DMXL2: variants seen among roughly 807,000 people sequenced by gnomAD.
DMXL2 encodes Dmx like 2, also known as dmX-like protein 2.
In DMXL2, 103 loss-of-function variants were observed where a neutral mutation model predicts 331.1. The observed-to-expected ratio is 0.31, with a 90% CI of 0.27 to 0.37. DMXL2 has a LOEUF of 0.37. Among genes scored for constraint, DMXL2 ranks in the 10% least tolerant of loss-of-function variants. The pLI is 1.00. For missense variants in DMXL2, 3,171 were observed against 3,642.9 expected (o/e 0.87, Z 3.33); for synonymous variants, 1,281 against 1,252.1 (o/e 1.02, Z -0.49).
chr15:51,610,693 A>C (rs1362731753), intron 1 of DMXL2, among the ~76,000 whole-genome samples: 1 of 151,754 alleles, frequency 6.6e-6, no homozygotes, highest in Non-Finnish European at 1.5e-5. Context: ...GCATGAACCC[A>C]GGAGACAGAG....
intron 33 of DMXL2, chr15:51,463,097 T>A (rs2140259682): frequency 4.7e-6 from 1 of 214,456 alleles, no homozygotes; most frequent in Non-Finnish European, 9.3e-6. Flanking sequence ...CCTCAAGCCA[T>A]CCATCACAAT....
At chr15:51,493,248 G>A (rs7174214) in intron 19 of DMXL2, among the ~76,000 whole-genome samples, 6,893 of 151,886 alleles carry the variant, frequency 0.045, 310 homozygotes, top group African/African-American at 0.11. Context: ...ACTAATATAC[G>A]GCAACACAAA....
chr15:51,540,731 T>C lies in DMXL2; in HGVS notation c.1105+1602A>G, dbSNP rs554975804. ...GGTCAACCTAAATGTTATATTTACA[T>C]GCAGTAACTAAAAATGCATGATGTT... On this transcript the variant is annotated intron_variant, in intron 9 of 43. Coordinates refer to ENST00000560891, the MANE Select transcript of DMXL2 (RefSeq NM_001378457.1). 2.0e-5 allele frequency among the ~76,000 whole-genome samples: 3 copies of C among 152,308 alleles called. No homozygotes were observed. The South Asian group carries it at 6.2e-4, about 32-fold the overall frequency.
intron 1 of DMXL2, among the ~76,000 whole-genome samples, chr15:51,593,921 T>C (rs560545401): frequency 2.6e-5 from 4 of 152,160 alleles, no homozygotes; most frequent in African/African-American, 7.2e-5. Context: ...AAGCAGTGTG[T>C]AGAGGGAAAT....
At chr15:51,465,346 G>A (rs999522366) in intron 31 of DMXL2, among the ~76,000 whole-genome samples, 1 of 152,152 alleles carries the variant, frequency 6.6e-6, no homozygotes, top group African/African-American at 2.4e-5. Context: ...AGTGAGCTCT[G>A]ATCACACCAC....
intron 1 of DMXL2, among the ~76,000 whole-genome samples, chr15:51,610,404 A>C (rs1052460292): frequency 8.5e-5 from 13 of 152,230 alleles, no homozygotes; most frequent in Non-Finnish European, 1.5e-4. Flanking sequence ...CATGATTAAC[A>C]ACCTTGACCT....
chr15:51,451,873 A>G (rs1017009193), intron 41 of DMXL2, among the ~76,000 whole-genome samples, 176 bp from the exon 42 acceptor site: 2 of 152,206 alleles, frequency 1.3e-5, no homozygotes, highest in Admixed American at 1.3e-4. Flanking sequence ...CAAACTACAC[A>G]GTTCCATCTC....
At chr15:51,454,540 A>T (rs1223028067) in intron 40 of DMXL2, among the ~76,000 whole-genome samples, 3 of 152,176 alleles carry the variant, frequency 2.0e-5, no homozygotes, top group Non-Finnish European at 2.9e-5. Flanking sequence ...TCTGTTGCCC[A>T]AGCTAGAGCG....
chr15:51,533,214 G>C (rs1018336781), intron 13 of DMXL2, among the ~76,000 whole-genome samples: 3 of 152,032 alleles, frequency 2.0e-5, no homozygotes, highest in Non-Finnish European at 4.4e-5. Flanking sequence ...GAGATGGGGG[G>C]GTCTCACTAT....
chr15:51,537,513 T>C lies in DMXL2; in HGVS notation c.1592A>G (p.Asn531Ser). The C allele has an allele frequency of 6.2e-7, 1 of 1,613,356 alleles. No homozygotes were observed. Among genetic ancestry groups the C allele is most frequent in the Non-Finnish European group, 8.5e-7 (1 of 1,179,506 alleles). Residue 531 changes from asparagine to serine, a missense_variant, in exon 11 of 44, where the codon AAT (asparagine) becomes AGT (serine). Asn to Ser is a conservative substitution (Grantham distance 46, BLOSUM62 1). Coordinates refer to ENST00000560891, the MANE Select transcript of DMXL2 (RefSeq NM_001378457.1). ...CTGAACTTGTCTAAATATTCCAGGA[T>C]TATATTCATCCAAATACTTCACATG... Reference protein sequence around the residue: ...VWHVKYLDEYNPGIFRQVQVS... With the variant: ...VWHVKYLDEYSPGIFRQVQVS...
intron 2 of DMXL2, among the ~76,000 whole-genome samples, chr15:51,575,849 T>C (rs1303699386): frequency 1.3e-5 from 2 of 152,138 alleles, no homozygotes; most frequent in Non-Finnish European, 2.9e-5. Flanking sequence ...GAAGACAGTA[T>C]ACATACAGCT....
chr15:51,552,291 T>C (rs2049271204), intron 6 of DMXL2, among the ~76,000 whole-genome samples: 1 of 152,126 alleles, frequency 6.6e-6, no homozygotes, highest in African/African-American at 2.4e-5. Flanking sequence ...GGTGGCTGGC[T>C]CCTGTGGGCA....
intron 2 of DMXL2, among the ~76,000 whole-genome samples, chr15:51,571,539 A>T (rs1405946268): frequency 6.6e-6 from 1 of 152,198 alleles, no homozygotes; most frequent in African/African-American, 2.4e-5. Flanking sequence ...TTGGAAGTAA[A>T]ACACTCCTCA....
In DMXL2 at chr15:51,488,648, A is replaced by G. The variant is rs2042571823; in HGVS notation, c.4954-3T>C. The G allele has an allele frequency of 6.3e-7, 1 of 1,596,066 alleles. No homozygotes were observed. Among genetic ancestry groups the G allele is most frequent in the Non-Finnish European group, 8.5e-7 (1 of 1,171,320 alleles). ...CTTTGAAAAGAAGCTTTGGCAACCT[A>G]AATGATAAATAAAATATTAAATTCA... On this transcript the variant is annotated splice_region_variant and splice_polypyrimidine_tract_variant and intron_variant, in intron 20 of 43. Coordinates refer to ENST00000560891, the MANE Select transcript of DMXL2 (RefSeq NM_001378457.1).
intron 1 of DMXL2, among the ~76,000 whole-genome samples, chr15:51,600,177 C>T (rs1201888817): frequency 6.6e-6 from 1 of 152,214 alleles, no homozygotes; most frequent in African/African-American, 2.4e-5. Context: ...AGAATCAGGG[C>T]TCAGTCACCC....
At chr15:51,582,939 T>C (rs576369837) in intron 1 of DMXL2, among the ~76,000 whole-genome samples, 30 of 151,934 alleles carry the variant, frequency 2.0e-4, no homozygotes, top group African/African-American at 6.0e-4. Context: ...TAATTACCTA[T>C]GAACCCTTCC....
intron 1 of DMXL2, among the ~76,000 whole-genome samples, chr15:51,582,414 G>A (rs1294327649): frequency 6.6e-6 from 1 of 152,028 alleles, no homozygotes; most frequent in Non-Finnish European, 1.5e-5. Context: ...CTTCTGCTGT[G>A]ATCTTTGCTC....
At chr15:51,564,049 T>C (rs1213083028) in intron 5 of DMXL2, 76 bp downstream of exon 5, 3 of 1,471,938 alleles carry the variant, frequency 2.0e-6, no homozygotes, top group East Asian at 5.1e-5. Flanking sequence ...AAAATAAAGA[T>C]CTTTGTGAAA....
chr15:51,576,908 A>G (rs552226552), intron 1 of DMXL2, among the ~76,000 whole-genome samples: 1 of 152,332 alleles, frequency 6.6e-6, no homozygotes, highest in Admixed American at 6.5e-5. Context: ...TCTTGAAAAT[A>G]GACTACAACA....
Sources: gnomAD v4.1 joint callset for allele counts (sites outside exome capture counted in the v4.1 genomes callset) on GRCh38, gnomAD v4.1.1 for gene constraint, MANE v1.5 for transcripts, NCBI Gene and HGNC (gene_info 2026-07-23, HGNC 2026-07-21) for gene names.